The following DIP2C variants were observed in gnomAD, a reference collection of about 807,000 sequenced individuals.
The protein encoded by DIP2C is DIP2 acetate--CoA ligase C (putative), also known as disco-interacting protein 2 homolog C.
DIP2C carries 33 observed loss-of-function variants against 192.4 expected under a neutral mutation model. The ratio of observed to expected loss-of-function variants is 0.17; its 90% CI spans 0.13 to 0.23. The LOEUF is 0.23. DIP2C is among the 10% of genes least tolerant of loss of function. The pLI is 1.00. For missense variants in DIP2C, 1,537 were observed against 2,110.1 expected, an observed-to-expected ratio of 0.73 and a Z score of 5.32; for synonymous variants, 979 against 864.1, an observed-to-expected ratio of 1.13 and a Z score of -2.33.
intron 1 of DIP2C, among the ~76,000 whole-genome samples, chr10:604,656 G>GAGAAC (rs1852339027): frequency 6.6e-6 from 1 of 152,186 alleles, no homozygotes; most frequent in African/African-American, 2.4e-5. Flanking sequence ...CTTGATTATA[G>GAGAAC]TTTTTATCCA....
intron 32 of DIP2C, among the ~76,000 whole-genome samples, chr10:304,318 C>T (rs990784979): frequency 2.6e-5 from 4 of 152,134 alleles, no homozygotes; most frequent in Admixed American, 6.5e-5. Context: ...TACAGTCTTA[C>T]GGAACCACTC....
chr10:550,006 CT>C (rs11461177), intron 1 of DIP2C, among the ~76,000 whole-genome samples: 2,757 of 134,710 alleles, frequency 0.02, 21 homozygotes, highest in Non-Finnish European at 0.025. Context: ...GGACGTGTAG[CT>C]TTTTTTTTTT....
At chr10:374,980 G>A (rs1961397325) in intron 17 of DIP2C, among the ~76,000 whole-genome samples, 1 of 152,232 alleles carries the variant, frequency 6.6e-6, no homozygotes, top group Non-Finnish European at 1.5e-5. Flanking sequence ...ATGGATTCCA[G>A]GAGGGACCAT....
chr10:640,913 C>A (rs913310322), intron 1 of DIP2C, among the ~76,000 whole-genome samples: 4 of 152,110 alleles, frequency 2.6e-5, no homozygotes, highest in African/African-American at 4.8e-5. Flanking sequence ...CATGAACCAG[C>A]AGCGACCCTA....
At chr10:336,921 T>TGTGTGTGG (rs59758615) in intron 29 of DIP2C, among the ~76,000 whole-genome samples, 1 of 50,014 alleles carries the variant, frequency 2.0e-5, no homozygotes, top group East Asian at 4.9e-4. Context: ...TGTGTGTGTG[T>TGTGTGTGG]TGTGGAGGCC....
chr10:582,576 C>CTG (rs1161752978), intron 1 of DIP2C, among the ~76,000 whole-genome samples: 1 of 152,148 alleles, frequency 6.6e-6, no homozygotes, highest in Non-Finnish European at 1.5e-5. Context: ...GAGCAAGACC[C>CTG]TGTCTCAGAA....
At chr10:608,989 A>T (rs996087015) in intron 1 of DIP2C, among the ~76,000 whole-genome samples, 1 of 151,852 alleles carries the variant, frequency 6.6e-6, no homozygotes, top group Non-Finnish European at 1.5e-5. Context: ...TAAAAATCCT[A>T]ATATCTACAC....
chr10:324,864 A>G (rs1328994635), intron 31 of DIP2C: 2 of 504,236 alleles, frequency 4.0e-6, no homozygotes, highest in Admixed American at 4.4e-5. Context: ...TCTGTTCTTC[A>G]TTCTGTCCCT....
At chr10:681,540 G>C (rs527627020) in intron 1 of DIP2C, among the ~76,000 whole-genome samples, 23 of 151,858 alleles carry the variant, frequency 1.5e-4, no homozygotes, top group Admixed American at 4.6e-4. Flanking sequence ...CAGCCCCTCA[G>C]TTACATGGTA....
rs796611496 is a variant in DIP2C, at chr10:417,848, A to T, written c.739+1217T>A. Among the ~76,000 whole-genome samples the T allele has an allele frequency of 2.0e-3, 62 of 30,374 alleles. 4 individuals are homozygous for T. The highest frequency in any genetic ancestry group is 0.012 in the African/African-American group (40 of 3,378). 19.9% of individuals were successfully genotyped at this position (30,374 alleles called of 152,430 possible). On this transcript the variant is annotated intron_variant, in intron 6 of 36. Transcript: ENST00000280886. ...CGGACAGGCCTCCCTGTCCACCTGC[A>T]CCTGTCAGAGCTCGGACAGGCCTCC...
At chr10:281,048 A>AC in intron 36 of DIP2C, 152 bp downstream of exon 36, 1 of 1,114,074 alleles carries the variant, frequency 9.0e-7, no homozygotes, top group Middle Eastern at 2.1e-4. Context: ...TGTTGCTTTA[A>AC]CCCCAAAAGA....
intron 1 of DIP2C, among the ~76,000 whole-genome samples, chr10:563,184 A>T (rs558182273): frequency 3.9e-5 from 6 of 152,384 alleles, no homozygotes; most frequent in African/African-American, 1.4e-4. Flanking sequence ...CGACTAATGC[A>T]GACTGTTCCA....
chr10:288,794 C>T (rs954505122), intron 32 of DIP2C, among the ~76,000 whole-genome samples: 76 of 152,206 alleles, frequency 5.0e-4, no homozygotes, highest in African/African-American at 1.6e-3. Flanking sequence ...CAAGCACCGA[C>T]GGCTGTCCTG....
At chr10:570,125 C>CA (rs1252175959) in intron 1 of DIP2C, among the ~76,000 whole-genome samples, 21 of 152,324 alleles carry the variant, frequency 1.4e-4, no homozygotes, top group African/African-American at 4.3e-4. Context: ...TAGCACTGCA[C>CA]AAATCCATGT....
intron 1 of DIP2C, among the ~76,000 whole-genome samples, chr10:619,854 G>A (rs1305960073): frequency 6.6e-6 from 1 of 152,180 alleles, no homozygotes; most frequent in Non-Finnish European, 1.5e-5. Context: ...ACCCGCCCGT[G>A]GATGGGTTCC....
At position 484,681 on chromosome 10, in the gene DIP2C, G is replaced by A. The variant is rs552456399; in HGVS notation, c.157+1778C>T. 7.6e-4 allele frequency: 1,097 copies of A among 1,448,888 alleles called. 5 individuals are homozygous for A. Among genetic ancestry groups the A allele is most frequent in the South Asian group, 9.5e-4 (69 of 72,596 alleles). The allele number at this position is 1,448,888 out of a possible 1,614,324, so 89.8% of individuals were successfully genotyped here. A position where few individuals can be genotyped will look rare whatever the true frequency, so the allele number is the denominator to read the frequency against. On this transcript the variant is annotated intron_variant, in intron 2 of 36. Coordinates refer to ENST00000280886, the MANE Select transcript of DIP2C (RefSeq NM_014974.3). ...GAGAATGGGACCCTCAGGCCCCCAA[G>A]GCCACACCCTACACGTCTGTACGGG...
chr10:314,444 C>A (rs910673846), intron 31 of DIP2C, among the ~76,000 whole-genome samples: 1 of 152,210 alleles, frequency 6.6e-6, no homozygotes, highest in Non-Finnish European at 1.5e-5. Context: ...CCTCCCCGGT[C>A]TCGTCACCGC....
At chr10:451,231 T>C (rs1968819624) in intron 3 of DIP2C, among the ~76,000 whole-genome samples, 1 of 152,194 alleles carries the variant, frequency 6.6e-6, no homozygotes, top group South Asian at 2.1e-4. Context: ...CAGGTTAACC[T>C]AATCTCTGCA....
At chr10:382,903 T>G (rs1431506951) in intron 16 of DIP2C, 142 bp from the exon 17 acceptor site, 1 of 516,660 alleles carries the variant, frequency 1.9e-6, no homozygotes, top group East Asian at 3.2e-5. Context: ...TACAATTTAT[T>G]ATTTATGTTA....
Sources: gnomAD v4.1 joint callset for allele counts (sites outside exome capture counted in the v4.1 genomes callset) on GRCh38, gnomAD v4.1.1 for gene constraint, MANE v1.5 for transcripts, NCBI Gene and HGNC (gene_info 2026-07-23, HGNC 2026-07-21) for gene names.